KIF21A: variants seen among roughly 807,000 people sequenced by gnomAD.
The protein encoded by KIF21A is kinesin family member 21A.
Under a neutral mutation model 202.9 loss-of-function variants are expected in KIF21A, and 114 were observed. The ratio of observed to expected loss-of-function variants is 0.56; its 90% CI spans 0.48 to 0.66. The LOEUF (loss-of-function observed/expected upper bound fraction) is 0.66, where lower values mean the gene tolerates loss of function less well. Ranked by LOEUF, KIF21A falls within the 30% of genes least tolerant of loss-of-function variation. KIF21A has a pLI of 0.00. For missense variants in KIF21A, 1,677 were observed against 1,994.9 expected, an observed-to-expected ratio of 0.84 and a Z score of 3.04; for synonymous variants, 667 against 670.8, an observed-to-expected ratio of 0.99 and a Z score of 0.09.
At chr12:39,297,066 TAGAACTAAC>T (rs1455723030) in intron 37 of KIF21A, among the ~76,000 whole-genome samples, 1 of 152,132 alleles carries the variant, frequency 6.6e-6, no homozygotes, top group East Asian at 1.9e-4. Flanking sequence ...AATTTAAAGG[TAGAACTAAC>T]AGGACTTGAT....
chr12:39,294,550 A>T (rs1297996948), intron 37 of KIF21A, 33 bp from the exon 38 acceptor site: 18 of 1,471,706 alleles, frequency 1.2e-5, no homozygotes, highest in Non-Finnish European at 1.7e-5. Flanking sequence ...TGGATATATG[A>T]ACAAGGGCAG....
chr12:39,405,881 G>A (rs1490440742), intron 1 of KIF21A, among the ~76,000 whole-genome samples: 1 of 152,108 alleles, frequency 6.6e-6, no homozygotes, highest in Non-Finnish European at 1.5e-5. Flanking sequence ...AAGTCACTCA[G>A]TAGTGGACAA....
At chr12:39,372,525 A>T (rs1379530029) in intron 1 of KIF21A, among the ~76,000 whole-genome samples, 3 of 152,196 alleles carry the variant, frequency 2.0e-5, no homozygotes, top group Non-Finnish European at 2.9e-5. Flanking sequence ...ATAATTTCCA[A>T]GATTGCTTTT....
rs1048446665 is a variant in KIF21A at position 39,294,514 on chromosome 12, A to G, written c.4935T>C (p.Asp1645=). 1 of 1,612,430 alleles carries G rather than the reference A, an allele frequency of 6.2e-7. No individual in the cohort carries two copies. The highest frequency in any genetic ancestry group is 1.7e-5 in the Admixed American group (1 of 60,016). ...GAGCCTTCCAAATTCTCACAGTTCG[A>G]TCACTACAAAAAAATAAACAAAACA... ...NSTHIFTAAD[D]RTVRIWKARN... Residue 1645 remains aspartate, a synonymous_variant, in exon 38 of 38, where the codon GAT becomes GAC. Coordinates refer to ENST00000361418, the MANE Select transcript of KIF21A (RefSeq NM_001173464.2).
At chr12:39,429,913 A>G (rs1955051164) in intron 1 of KIF21A, among the ~76,000 whole-genome samples, 1 of 152,184 alleles carries the variant, frequency 6.6e-6, no homozygotes, top group Admixed American at 6.5e-5. Context: ...TCTCACAAAC[A>G]ATTCTAAAGA....
At chr12:39,342,251 G>A (rs1428521185) in intron 12 of KIF21A, 127 bp from the exon 13 acceptor site, 3 of 710,500 alleles carry the variant, frequency 4.2e-6, no homozygotes, top group Non-Finnish European at 5.0e-6. Flanking sequence ...TCACTTAACT[G>A]AGCAAAGCTA....
chr12:39,341,834 A>C (rs957941085), intron 13 of KIF21A, among the ~76,000 whole-genome samples, 200 bp downstream of exon 13: 1 of 152,168 alleles, frequency 6.6e-6, no homozygotes, highest in Non-Finnish European at 1.5e-5. Context: ...TCCCCAACAC[A>C]ATGCTTTCAC....
At chr12:39,328,600 CA>C (rs1224100224) in intron 24 of KIF21A, among the ~76,000 whole-genome samples, 2 of 152,198 alleles carry the variant, frequency 1.3e-5, no homozygotes, top group African/African-American at 2.4e-5. Flanking sequence ...TTAAAGGCTA[CA>C]AAAGTACAAC....
chr12:39,374,207 C>T (rs1260025336), intron 1 of KIF21A, among the ~76,000 whole-genome samples: 6 of 152,152 alleles, frequency 3.9e-5, no homozygotes, highest in Non-Finnish European at 1.5e-5. Flanking sequence ...TAGCTACAAA[C>T]CTCAATTTCA....
chr12:39,436,709 G>A (rs1938844978), intron 1 of KIF21A, among the ~76,000 whole-genome samples: 1 of 148,764 alleles, frequency 6.7e-6, no homozygotes, highest in East Asian at 2.0e-4. Flanking sequence ...CATAATAATT[G>A]TATGGTATCA....
At chr12:39,356,939 A>G (rs1248763024) in intron 9 of KIF21A, 44 bp from the exon 10 acceptor site, 1 of 924,360 alleles carries the variant, frequency 1.1e-6, no homozygotes, top group Non-Finnish European at 1.7e-6. Context: ...TTAAATTAAG[A>G]CTTCAACAAA....
intron 1 of KIF21A, among the ~76,000 whole-genome samples, chr12:39,421,843 C>CA (rs1310814082): frequency 7.0e-6 from 1 of 143,414 alleles, no homozygotes; most frequent in East Asian, 2.0e-4. Flanking sequence ...TATATAATTA[C>CA]ATATATAATT....
At chr12:39,380,431 A>G (rs889902366) in intron 1 of KIF21A, among the ~76,000 whole-genome samples, 1 of 152,220 alleles carries the variant, frequency 6.6e-6, no homozygotes, top group African/African-American at 2.4e-5. Flanking sequence ...TTTTCAATAG[A>G]TTTTGGTTGT....
In KIF21A at chr12:39,367,051, T is replaced by G; in HGVS notation, c.714A>C (p.Arg238Ser). The G allele has an allele frequency of 6.2e-7, 1 of 1,613,592 alleles. No individual in the cohort carries two copies. Among genetic ancestry groups the G allele is most frequent in the East Asian group, 2.2e-5 (1 of 44,880 alleles). ...AIFTIHVCQT[R>S]VCPQIDADNA... Reference sequence around the variant, plus strand: ...TCACAGCATCTATTTGGGGACACACTCTGGTTTGACACACATGAATGGTAA... The same window carrying G: ...TCACAGCATCTATTTGGGGACACACGCTGGTTTGACACACATGAATGGTAA... The change falls in exon 5 of 38, where the codon AGA becomes AGC. Residue 238 changes from arginine to serine, a missense_variant. Physicochemically the swap from Arg to Ser is moderately radical, Grantham distance 110. Coordinates refer to ENST00000361418, the MANE Select transcript of KIF21A (RefSeq NM_001173464.2).
At chr12:39,424,704 C>G (rs974499763) in intron 1 of KIF21A, among the ~76,000 whole-genome samples, 1 of 152,164 alleles carries the variant, frequency 6.6e-6, no homozygotes, top group Non-Finnish European at 1.5e-5. Flanking sequence ...CCCAAATCTA[C>G]GTTTCACCAT....
At chr12:39,357,908 C>CAAAAAAAAAAAAAAAAAAAAAAAAAAAAA (rs56035929) in intron 8 of KIF21A, among the ~76,000 whole-genome samples, 2 of 36,682 alleles carry the variant, frequency 5.5e-5, no homozygotes, top group African/African-American at 1.1e-4. Flanking sequence ...GACTCCATCT[C>CAAAAAAAAAAAAAAAAAAAAAAAAAAAAA]AAAAAAAAAA....
chr12:39,392,856 C>A, intron 1 of KIF21A, among the ~76,000 whole-genome samples: 3 of 131,742 alleles, frequency 2.3e-5, no homozygotes, highest in South Asian at 2.6e-4. Context: ...TAAAAAAGAT[C>A]AACATTTTAA....
intron 11 of KIF21A, among the ~76,000 whole-genome samples, chr12:39,348,809 G>GA (rs977864373): frequency 3.3e-5 from 5 of 150,478 alleles, no homozygotes; most frequent in Non-Finnish European, 4.4e-5. Flanking sequence ...CAAACAAACA[G>GA]AAAAAAAACC....
At chr12:39,414,117 T>C (rs933639000) in intron 1 of KIF21A, among the ~76,000 whole-genome samples, 1 of 152,196 alleles carries the variant, frequency 6.6e-6, no homozygotes, top group Non-Finnish European at 1.5e-5. Flanking sequence ...TTCTTTTCCT[T>C]TATATATTAG....
Sources: gnomAD v4.1 joint callset for allele counts (sites outside exome capture counted in the v4.1 genomes callset) on GRCh38, gnomAD v4.1.1 for gene constraint, MANE v1.5 for transcripts, NCBI Gene and HGNC (gene_info 2026-07-23, HGNC 2026-07-21) for gene names.